The following RBFOX1 variants were observed in gnomAD, a reference collection of about 807,000 sequenced individuals.
RBFOX1 encodes the protein RNA binding fox-1 homolog 1.
A neutral mutation model predicts 57.7 loss-of-function variants in RBFOX1; 8 were observed. That is an observed-to-expected ratio of 0.14 (90% CI 0.08 to 0.25). The LOEUF is 0.25. Among genes scored for constraint, RBFOX1 ranks in the 10% least tolerant of loss-of-function variants. The pLI is 1.00. For synonymous variants in RBFOX1, 326 were observed against 222.4 expected (o/e 1.47, Z -4.15); for missense variants, 611 against 548.5 (o/e 1.11, Z -1.14).
At chr16:6,219,580 T>G (rs2097358458) in intron 1 of RBFOX1, among the ~76,000 whole-genome samples, 1 of 152,018 alleles carries the variant, frequency 6.6e-6, no homozygotes, top group Non-Finnish European at 1.5e-5. Flanking sequence ...GCTTTATCTG[T>G]AAAATGAGAA....
At chr16:5,830,077 C>A (rs1176485454) in intron 3 of RBFOX1, among the ~76,000 whole-genome samples, 1 of 152,198 alleles carries the variant, frequency 6.6e-6, no homozygotes, top group Non-Finnish European at 1.5e-5. Flanking sequence ...TGCCACTTTT[C>A]TTCAGGCTAG....
At chr16:5,812,924 C>G (rs1036734687) in intron 3 of RBFOX1, among the ~76,000 whole-genome samples, 1 of 151,988 alleles carries the variant, frequency 6.6e-6, no homozygotes, top group African/African-American at 2.4e-5. Context: ...AATATTTTGC[C>G]CATTAGAAAA....
intron 2 of RBFOX1, among the ~76,000 whole-genome samples, chr16:6,329,403 G>A (rs890919932): frequency 2.6e-5 from 4 of 152,212 alleles, no homozygotes; most frequent in Non-Finnish European, 4.4e-5. Context: ...GCATGCAAAA[G>A]CTGGAGCTGA....
At chr16:6,850,374 T>A (rs1195112681) in intron 3 of RBFOX1, among the ~76,000 whole-genome samples, 1 of 152,172 alleles carries the variant, frequency 6.6e-6, no homozygotes, top group Non-Finnish European at 1.5e-5. Context: ...GAGAGAACCC[T>A]ACTTAGGTAG....
chr16:7,491,350 C>T (rs1279590875), intron 4 of RBFOX1, among the ~76,000 whole-genome samples: 2 of 141,670 alleles, frequency 1.4e-5, no homozygotes, highest in Admixed American at 7.1e-5. Context: ...ATTTGATATC[C>T]TAGTAAGGGA....
chr16:6,895,448 G>GTGTGTGTA (rs869028735), intron 3 of RBFOX1, among the ~76,000 whole-genome samples: 6 of 54,630 alleles, frequency 1.1e-4, no homozygotes, highest in Middle Eastern at 0.013. Context: ...GTGTGTGTGT[G>GTGTGTGTA]TATATATATA....
At chr16:7,036,298 T>C (rs2044400560) in intron 3 of RBFOX1, among the ~76,000 whole-genome samples, 1 of 152,080 alleles carries the variant, frequency 6.6e-6, no homozygotes, top group African/African-American at 2.4e-5. Flanking sequence ...CAGTGTCCCA[T>C]CCTAAAACTT....
chr16:5,858,844 C>A (rs1301706938), intron 3 of RBFOX1, among the ~76,000 whole-genome samples: 4 of 152,162 alleles, frequency 2.6e-5, no homozygotes, highest in Non-Finnish European at 5.9e-5. Context: ...GTCCTGGCGG[C>A]TCAGTGGCTG....
At chr16:5,776,071 C>T (rs117041340) in intron 3 of RBFOX1, among the ~76,000 whole-genome samples, 1 of 152,136 alleles carries the variant, frequency 6.6e-6, no homozygotes, top group African/African-American at 2.4e-5. Context: ...TTTCCCCTTT[C>T]ATTTTAATTA....
intron 3 of RBFOX1, among the ~76,000 whole-genome samples, chr16:6,745,772 T>C (rs1407004176): frequency 6.6e-6 from 1 of 152,206 alleles, no homozygotes; most frequent in African/African-American, 2.4e-5. Context: ...CCTTTCGCAG[T>C]ATTTTAGCCA....
At chr16:5,790,948 A>T (rs1206682925) in intron 3 of RBFOX1, among the ~76,000 whole-genome samples, 1 of 150,518 alleles carries the variant, frequency 6.6e-6, no homozygotes. Flanking sequence ...GGCACACTGC[A>T]ACCTCTGCTT....
At chr16:6,288,133 G>C (rs150384399) in intron 1 of RBFOX1, among the ~76,000 whole-genome samples, 126 of 152,236 alleles carry the variant, frequency 8.3e-4, no homozygotes, top group African/African-American at 2.9e-3. Context: ...CTCTCATTCA[G>C]TTTACAAACA....
chr16:5,767,861 A>G (rs2053842029), intron 3 of RBFOX1, among the ~76,000 whole-genome samples: 1 of 152,054 alleles, frequency 6.6e-6, no homozygotes, highest in Non-Finnish European at 1.5e-5. Flanking sequence ...TTCTTTGAGG[A>G]TTCCTATTTG....
At chr16:7,239,639 C>G (rs150427759) in intron 4 of RBFOX1, among the ~76,000 whole-genome samples, 1 of 152,234 alleles carries the variant, frequency 6.6e-6, no homozygotes, top group African/African-American at 2.4e-5. Flanking sequence ...TTATTGCCCC[C>G]TGATAAGACC....
At chr16:7,289,092 T>C (rs971755918) in intron 4 of RBFOX1, among the ~76,000 whole-genome samples, 1 of 152,158 alleles carries the variant, frequency 6.6e-6, no homozygotes, top group African/African-American at 2.4e-5. Flanking sequence ...AGAACACTCA[T>C]GCCAGATCCT....
intron 2 of RBFOX1, among the ~76,000 whole-genome samples, chr16:5,567,834 C>T (rs777010655): frequency 5.3e-5 from 8 of 151,954 alleles, no homozygotes; most frequent in Non-Finnish European, 7.4e-5. Flanking sequence ...TCATTATATT[C>T]GTTAATCCCC....
At chr16:6,408,847 A>C (rs2093369044) in intron 2 of RBFOX1, among the ~76,000 whole-genome samples, 1 of 151,982 alleles carries the variant, frequency 6.6e-6, no homozygotes, top group Non-Finnish European at 1.5e-5. Flanking sequence ...TCTTGCTGCT[A>C]TTTTCTGTGA....
chr16:6,517,462 C>T (rs2096402916), intron 2 of RBFOX1, among the ~76,000 whole-genome samples: 1 of 152,114 alleles, frequency 6.6e-6, no homozygotes, highest in Non-Finnish European at 1.5e-5. Flanking sequence ...AGAGAATTCC[C>T]ATTTCTGATA....
chr16:7,007,835 C>A (rs959381966), intron 3 of RBFOX1, among the ~76,000 whole-genome samples: 9 of 152,110 alleles, frequency 5.9e-5, no homozygotes, highest in African/African-American at 2.2e-4. Flanking sequence ...TTTCTGTAGC[C>A]CACCTAGTGG....
Sources: gnomAD v4.1 joint callset for allele counts (sites outside exome capture counted in the v4.1 genomes callset) on GRCh38, gnomAD v4.1.1 for gene constraint, MANE v1.5 for transcripts, NCBI Gene and HGNC (gene_info 2026-07-23, HGNC 2026-07-21) for gene names.